TRAPPC8: variants seen among roughly 807,000 people sequenced by gnomAD.
TRAPPC8 encodes general sporulation gene 1 homolog.
Under a neutral mutation model 174.3 loss-of-function variants are expected in TRAPPC8, and 54 were observed. The observed-to-expected ratio is 0.31, with a 90% CI of 0.25 to 0.39. The LOEUF is 0.39. Ranked by LOEUF, TRAPPC8 falls within the 10% of genes least tolerant of loss-of-function variation. The pLI is 1.00. For missense variants in TRAPPC8, 1,531 were observed against 1,699.1 expected, an observed-to-expected ratio of 0.90 and a Z score of 1.74; for synonymous variants, 630 against 579.9, an observed-to-expected ratio of 1.09 and a Z score of -1.24.
Position 31,931,349 on chromosome 18 carries a change from T to C in TRAPPC8, c.332A>G (p.Asp111Gly). Reference protein sequence around the residue: ...GLVANVITAGDYDLNISATTP... With the variant: ...GLVANVITAGGYDLNISATTP... ...CATACCACTGATGTTAAGGTCATAA[T>C]CTCCTGCTGTAATCACATTAGCTAC... Residue 111 changes from aspartate to glycine, a missense_variant, in exon 2 of 29, where the codon GAT (aspartate) becomes GGT (glycine). By Grantham distance (94) the Asp-to-Gly change is moderately conservative. Transcript: ENST00000283351. 4 of 1,583,224 alleles carry C rather than the reference T, an allele frequency of 2.5e-6. No homozygotes were observed. The South Asian group carries it at 3.5e-5, about 14-fold the overall frequency.
At chr18:31,899,025 A>T (rs1015435465) in intron 10 of TRAPPC8, among the ~76,000 whole-genome samples, 3 of 152,206 alleles carry the variant, frequency 2.0e-5, no homozygotes. Context: ...AAAAATTACT[A>T]TACTGACTTG....
At chr18:31,931,596 G>T (rs527643779) in intron 1 of TRAPPC8, 73 bp from the exon 2 acceptor site, 1 of 1,171,450 alleles carries the variant, frequency 8.5e-7, no homozygotes, top group South Asian at 2.1e-5. Context: ...TGGGCTGATG[G>T]TTTACAAACA....
chr18:31,942,799 C>T lies in TRAPPC8; in HGVS notation c.-35G>A. 18 of 1,357,768 alleles carry T rather than the reference C, an allele frequency of 1.3e-5. No homozygotes were observed. The highest frequency in any genetic ancestry group is 1.6e-5 in the Non-Finnish European group (17 of 1,046,096). The allele number at this position is 1,357,768 out of a possible 1,614,324, so 84.1% of individuals were successfully genotyped here. Reference sequence around the variant, plus strand: ...ACAGGCAGCGGCGGCGCCCGCCCTCCGGCCCACCCTGCGAGGTTATCCTGC... The same window carrying T: ...ACAGGCAGCGGCGGCGCCCGCCCTCTGGCCCACCCTGCGAGGTTATCCTGC... On this transcript the variant is annotated 5_prime_UTR_variant, in exon 1 of 29. Coordinates refer to ENST00000283351, the MANE Select transcript of TRAPPC8 (RefSeq NM_014939.5).
At chr18:31,886,616 C>T (rs2145326311) in intron 12 of TRAPPC8, among the ~76,000 whole-genome samples, 1 of 152,252 alleles carries the variant, frequency 6.6e-6, no homozygotes, top group South Asian at 2.1e-4. Flanking sequence ...TTACTGACTA[C>T]TTTCATGCCA....
rs59209328 is a variant in TRAPPC8, at chr18:31,873,007, C to CTT, written c.2062+421_2062+422dup. Among the ~76,000 whole-genome samples, 237 of 74,626 alleles carry CTT rather than the reference C, an allele frequency of 3.2e-3. 7 individuals carry two copies. The highest frequency in any genetic ancestry group is 6.0e-3 in the African/African-American group (102 of 16,878). The allele number at this position is 74,626 out of a possible 152,430, so 49.0% of individuals were successfully genotyped here. A position where few individuals can be genotyped will look rare whatever the true frequency, so the allele number is the denominator to read the frequency against. ...AAGTAATAGAGAGCTATTCATTTTCCTTTTTTTTTTTTTTTTTTTTTTTTT... is the reference window on the plus strand; with the variant it reads ...AAGTAATAGAGAGCTATTCATTTTCCTTTTTTTTTTTTTTTTTTTTTTTTTTT... On this transcript the variant is annotated intron_variant, in intron 14 of 28. Transcript: ENST00000283351.
chr18:31,894,538 G>T (rs566851781), intron 11 of TRAPPC8, among the ~76,000 whole-genome samples: 1 of 151,790 alleles, frequency 6.6e-6, no homozygotes, highest in East Asian at 1.9e-4. Flanking sequence ...CCACAACCAA[G>T]AGATAATTTT....
Position 31,942,989 on chromosome 18 carries a change from C to T in TRAPPC8, c.-225G>A. On this transcript the variant is annotated 5_prime_UTR_variant, in exon 1 of 29. Transcript: ENST00000283351. ...GTCACCGCCGCTTCTCAGCGCTCGT[C>T]CCCGCGTGCTCGCATTCCACCCCGA... 1.1e-6 allele frequency: 1 copy of T among 933,494 alleles called. No homozygotes were observed. The highest frequency in any genetic ancestry group is 1.4e-6 in the Non-Finnish European group (1 of 713,420). The allele number at this position is 933,494 out of a possible 1,614,324, so 57.8% of individuals were successfully genotyped here.
At chr18:31,857,495 A>G in intron 20 of TRAPPC8, 45 bp downstream of exon 20, 1 of 1,441,396 alleles carries the variant, frequency 6.9e-7, no homozygotes, top group Non-Finnish European at 9.3e-7. Flanking sequence ...ATGTGCATAT[A>G]CATTGAACAT....
At position 31,873,447 on chromosome 18, in the gene TRAPPC8, T is replaced by C; in HGVS notation, c.2045A>G (p.Asp682Gly). Residue 682 changes from aspartate to glycine, a missense_variant, in exon 14 of 29, where the codon GAC (aspartate) becomes GGC (glycine). By Grantham distance (94) the Asp-to-Gly change is moderately conservative. Transcript: ENST00000283351. ...SSATRVFFGH[D>G]RRPADGEKQA... Reference sequence around the variant, plus strand: ...TTACTAACCATCCGCTGGTCGTCTGTCATGGCCAAAAAAAACCCGTGTTGC... The same window carrying C: ...TTACTAACCATCCGCTGGTCGTCTGCCATGGCCAAAAAAAACCCGTGTTGC... 6.2e-7 allele frequency: 1 copy of C among 1,613,360 alleles called. No individual in the cohort carries two copies. The highest frequency in any genetic ancestry group is 1.1e-5 in the South Asian group (1 of 90,960).
chr18:31,897,517 C>T (rs2036232213), intron 11 of TRAPPC8, among the ~76,000 whole-genome samples: 1 of 151,938 alleles, frequency 6.6e-6, no homozygotes, highest in African/African-American at 2.4e-5. Flanking sequence ...ATTCAAAGGA[C>T]AAAACGTAAT....
intron 11 of TRAPPC8, among the ~76,000 whole-genome samples, chr18:31,893,037 A>AAC (rs561949312): frequency 0.13 from 19,813 of 150,958 alleles, 1,744 homozygotes; most frequent in South Asian, 0.3. Context: ...AAAAAAAAAA[A>AAC]AAAACAACAT....
At chr18:31,846,299 C>T (rs781689359) in intron 26 of TRAPPC8, among the ~76,000 whole-genome samples, 5 of 152,142 alleles carry the variant, frequency 3.3e-5, no homozygotes, top group East Asian at 3.8e-4. Context: ...CATGGCAGTG[C>T]GTGGTAGCTC....
intron 26 of TRAPPC8, among the ~76,000 whole-genome samples, chr18:31,840,299 G>A (rs1375787859): frequency 1.3e-5 from 2 of 150,672 alleles, no homozygotes; most frequent in Admixed American, 1.3e-4. Context: ...GGAGGTTGTA[G>A]TGAGCCGAGA....
intron 1 of TRAPPC8, among the ~76,000 whole-genome samples, chr18:31,938,961 TC>T (rs1448967719): frequency 6.6e-6 from 1 of 151,476 alleles, no homozygotes; most frequent in Non-Finnish European, 1.5e-5. Flanking sequence ...GAGCCTGTAG[TC>T]CCAGCTACTC....
intron 3 of TRAPPC8, 142 bp downstream of exon 3, chr18:31,917,436 C>T: frequency 1.5e-6 from 1 of 689,000 alleles, no homozygotes; most frequent in Non-Finnish European, 2.3e-6. Context: ...AACAAAATAA[C>T]AAGACTCCGT....
chr18:31,893,436 T>C (rs1355768648), intron 11 of TRAPPC8, among the ~76,000 whole-genome samples: 1 of 152,074 alleles, frequency 6.6e-6, no homozygotes, highest in Non-Finnish European at 1.5e-5. Flanking sequence ...TGTGTTACCC[T>C]GGTTTCATTT....
rs768024372 is a variant in TRAPPC8 at position 31,830,065 on chromosome 18, G to A, written c.*690C>T. 3 of 152,362 alleles carry A rather than the reference G, an allele frequency of 2.0e-5. No homozygotes were observed. Among genetic ancestry groups the A allele is most frequent in the Admixed American group, 6.6e-5 (1 of 15,254 alleles). 9.4% of individuals were successfully genotyped at this position (152,362 alleles called of 1,614,324 possible). A position where few individuals can be genotyped will look rare whatever the true frequency, so the allele number is the denominator to read the frequency against. On this transcript the variant is annotated 3_prime_UTR_variant, in exon 29 of 29. Coordinates refer to ENST00000283351, the MANE Select transcript of TRAPPC8 (RefSeq NM_014939.5). ...TAAACAGATCAACTCAATAGTTAAC[G>A]TTATATAATAAAGAATATGGTAATT...
chr18:31,875,890 C>T (rs116879627), intron 12 of TRAPPC8, among the ~76,000 whole-genome samples: 1 of 152,150 alleles, frequency 6.6e-6, no homozygotes, highest in Non-Finnish European at 1.5e-5. Flanking sequence ...AGAGAGTGGA[C>T]TGGTGGTTAC....
At chr18:31,911,148 T>C (rs981054067) in intron 5 of TRAPPC8, among the ~76,000 whole-genome samples, 6 of 152,244 alleles carry the variant, frequency 3.9e-5, no homozygotes, top group African/African-American at 1.4e-4. Flanking sequence ...AGCTTTGTAA[T>C]TGATTTTTTA....
Sources: allele counts gnomAD v4.1 joint callset (sites outside exome capture counted in the v4.1 genomes callset), GRCh38; gene constraint gnomAD v4.1.1; transcripts MANE v1.5; gene names NCBI Gene and HGNC (gene_info 2026-07-23, HGNC 2026-07-21).